The following ATP2A2 variants were observed in gnomAD, a reference collection of about 807,000 sequenced individuals.
The protein encoded by ATP2A2 is sarcoplasmic/endoplasmic reticulum calcium ATPase 2.
In ATP2A2, 14 loss-of-function variants were observed where a neutral mutation model predicts 109.3. The observed-to-expected ratio is 0.13, with a 90% CI of 0.08 to 0.20. The LOEUF (loss-of-function observed/expected upper bound fraction) is 0.20, where lower values mean the gene tolerates loss of function less well. Ranked by LOEUF, ATP2A2 falls within the 10% of genes least tolerant of loss-of-function variation. ATP2A2 has a pLI of 1.00. For missense variants in ATP2A2, 657 were observed against 1,321.6 expected (o/e 0.50, Z 7.80); for synonymous variants, 506 against 490.9 (o/e 1.03, Z -0.41).
At chr12:110,313,496 G>A (rs768346592) in intron 5 of ATP2A2, among the ~76,000 whole-genome samples, 6 of 151,312 alleles carry the variant, frequency 4.0e-5, no homozygotes, top group Non-Finnish European at 7.4e-5. Context: ...GTATATTTTA[G>A]TAGAGATGGG....
intron 5 of ATP2A2, among the ~76,000 whole-genome samples, chr12:110,298,010 G>A (rs929518): frequency 0.012 from 1,783 of 152,244 alleles, 6 homozygotes; most frequent in African/African-American, 0.019. Flanking sequence ...ATTGCATACT[G>A]TTATTCAGAT....
chr12:110,348,213 T>A lies in ATP2A2; in HGVS notation c.*1743T>A. The A allele has an allele frequency of 1.0e-6, 1 of 985,360 alleles. No homozygotes were observed. Among genetic ancestry groups the A allele is most frequent in the South Asian group, 4.7e-5 (1 of 21,294 alleles). 61.0% of individuals were successfully genotyped at this position (985,360 alleles called of 1,614,324 possible). ...TAGTGAAAGCAAGTAACTGAACCAG[T>A]GAACTCTGGGTATCGATAGGTTCGT... On this transcript the variant is annotated 3_prime_UTR_variant, in exon 20 of 20. Coordinates refer to ENST00000539276, the MANE Select transcript of ATP2A2 (RefSeq NM_170665.4).
chr12:110,297,522 C>T (rs908291098), intron 5 of ATP2A2, among the ~76,000 whole-genome samples: 13 of 151,892 alleles, frequency 8.6e-5, no homozygotes, highest in African/African-American at 3.1e-4. Context: ...GAGATAGCTT[C>T]AAAGAGTCCA....
chr12:110,350,367 A>T lies in ATP2A2; in HGVS notation c.*3897A>T, dbSNP rs924041423. ...TTCGGTTGCGTGCATGTGCGTTTTT[A>T]GCAACACATCTACCAACCCTGTGCA... On this transcript the variant is annotated 3_prime_UTR_variant, in exon 20 of 20. Coordinates refer to ENST00000539276, the MANE Select transcript of ATP2A2 (RefSeq NM_170665.4). 9 of 1,613,716 alleles carry T rather than the reference A, an allele frequency of 5.6e-6. No individual in the cohort carries two copies. In the African/African-American group the frequency reaches 8.0e-5, roughly 14 times the overall value.
At chr12:110,293,674 G>A (rs1873602153) in intron 4 of ATP2A2, among the ~76,000 whole-genome samples, 1 of 151,760 alleles carries the variant, frequency 6.6e-6, no homozygotes, top group Non-Finnish European at 1.5e-5. Context: ...AGGATTACAT[G>A]CGTGAGCCAC....
chr12:110,313,523 C>T (rs1876328887), intron 5 of ATP2A2, among the ~76,000 whole-genome samples: 2 of 151,316 alleles, frequency 1.3e-5, no homozygotes, highest in South Asian at 4.2e-4. Context: ...CCATGTTAGC[C>T]AGGCTGGTCT....
chr12:110,282,709 A>T lies in ATP2A2; in HGVS notation c.137-4A>T, dbSNP rs1352865013. The stretch of plus-strand genomic sequence containing the variant: ...GTTAAAACACATGTGTTTGTTTCTT[A>T]CAGGAAAAACCTTGCTGGAACTTGT... On this transcript the variant is annotated splice_polypyrimidine_tract_variant and splice_region_variant and intron_variant, in intron 2 of 19. Coordinates refer to ENST00000539276, the MANE Select transcript of ATP2A2 (RefSeq NM_170665.4). 6.2e-7 allele frequency: 1 copy of T among 1,614,064 alleles called. No homozygotes were observed. The highest frequency in any genetic ancestry group is 8.5e-7 in the Non-Finnish European group (1 of 1,179,974).
Position 110,281,914 on chromosome 12 carries a change from G to A in ATP2A2, c.118+7G>A. On this transcript the variant is annotated splice_region_variant and intron_variant, in intron 1 of 19. Coordinates refer to ENST00000539276, the MANE Select transcript of ATP2A2 (RefSeq NM_170665.4). ...GAGAGATGGGGCTCCAACGGTAGGT[G>A]CAGGGCGCTCCGCTGCAGGGGCCCG... 6.4e-7 allele frequency: 1 copy of A among 1,568,640 alleles called. No individual in the cohort carries two copies. Among genetic ancestry groups the A allele is most frequent in the South Asian group, 1.2e-5 (1 of 85,510 alleles).
intron 4 of ATP2A2, among the ~76,000 whole-genome samples, chr12:110,293,234 C>T (rs1480298148): frequency 1.3e-5 from 2 of 151,958 alleles, no homozygotes; most frequent in Admixed American, 6.6e-5. Context: ...TGACACCACA[C>T]CCAGCTAATT....
Position 110,348,712 on chromosome 12 carries a change from C to A in ATP2A2, c.*2242C>A. On this transcript the variant is annotated 3_prime_UTR_variant, in exon 20 of 20. Transcript: ENST00000539276. ...GAGTGAGGCCCTGTCAAAAAAAAATCAGCCTTACTGTGAAGCCTCCAAGGC... is the reference window on the plus strand; with the variant it reads ...GAGTGAGGCCCTGTCAAAAAAAAATAAGCCTTACTGTGAAGCCTCCAAGGC... 3.0e-6 allele frequency: 3 copies of A among 985,410 alleles called. No individual in the cohort carries two copies. Among genetic ancestry groups the A allele is most frequent in the Non-Finnish European group, 3.6e-6 (3 of 829,966 alleles). The allele number at this position is 985,410 out of a possible 1,614,324, so 61.0% of individuals were successfully genotyped here.
chr12:110,307,475 C>G (rs1037376825), intron 5 of ATP2A2, among the ~76,000 whole-genome samples: 2 of 151,892 alleles, frequency 1.3e-5, no homozygotes, highest in Admixed American at 6.6e-5. Context: ...CTCCAGTGAT[C>G]CTCCCACCTC....
rs1879982545 is a variant in ATP2A2, at chr12:110,347,392, G to C, written c.*922G>C. The C allele has an allele frequency of 2.3e-6, 3 of 1,289,096 alleles. No individual in the cohort carries two copies. The highest frequency in any genetic ancestry group is 2.3e-5 in the Admixed American group (1 of 43,528). 79.9% of individuals were successfully genotyped at this position (1,289,096 alleles called of 1,614,324 possible). A position where few individuals can be genotyped will look rare whatever the true frequency, so the allele number is the denominator to read the frequency against. On this transcript the variant is annotated 3_prime_UTR_variant, in exon 20 of 20. Coordinates refer to ENST00000539276, the MANE Select transcript of ATP2A2 (RefSeq NM_170665.4). ...ACAGACATGTCCAACTTTCTCTCCA[G>C]TTCTTAGCTCAGAACTTTAGTTGTA...
At chr12:110,309,221 G>A (rs1875734497) in intron 5 of ATP2A2, among the ~76,000 whole-genome samples, 1 of 129,726 alleles carries the variant, frequency 7.7e-6, no homozygotes, top group South Asian at 2.5e-4. Context: ...GCAAGGGCGT[G>A]ATCTCAGCTC....
Position 110,348,465 on chromosome 12 carries a change from G to T in ATP2A2, c.*1995G>T, listed in dbSNP as rs1296302157. 5 of 985,506 alleles carry T rather than the reference G, an allele frequency of 5.1e-6. No homozygotes were observed. The highest frequency in any genetic ancestry group is 6.0e-6 in the Non-Finnish European group (5 of 830,024). 61.0% of individuals were successfully genotyped at this position (985,506 alleles called of 1,614,324 possible). ...ATGGCCAGTAGATGTAATGCAGATG[G>T]TTGGAGTTTGGGGAGGGTTAGGAGG... On this transcript the variant is annotated 3_prime_UTR_variant, in exon 20 of 20. Coordinates refer to ENST00000539276, the MANE Select transcript of ATP2A2 (RefSeq NM_170665.4).
intron 8 of ATP2A2, among the ~76,000 whole-genome samples, 163 bp downstream of exon 8, chr12:110,328,180 A>G (rs1270327237): frequency 6.6e-6 from 1 of 152,158 alleles, no homozygotes; most frequent in Non-Finnish European, 1.5e-5. Flanking sequence ...CTAATCATTT[A>G]ATTCCTAAAA....
In ATP2A2 at chr12:110,323,038, T is replaced by G. The variant is rs1877400183; in HGVS notation, c.510T>G (p.Ser170=). 5 of 1,612,966 alleles carry G rather than the reference T, an allele frequency of 3.1e-6. No individual in the cohort carries two copies. The highest frequency in any genetic ancestry group is 3.3e-4 in the Middle Eastern group (2 of 6,062). ...ATATAAGGTTAACTTCCATCAAATC[T>G]ACCACACTAAGAGTTGACCAGTCAA... ...PADIRLTSIK[S]TTLRVDQSIL... The change falls in exon 6 of 20, where the codon TCT becomes TCG. Residue 170 remains serine, a synonymous_variant. Coordinates refer to ENST00000539276, the MANE Select transcript of ATP2A2 (RefSeq NM_170665.4).
chr12:110,345,535 C>G, intron 18 of ATP2A2, 153 bp downstream of exon 18: 1 of 1,152,490 alleles, frequency 8.7e-7, no homozygotes, highest in Non-Finnish European at 1.3e-6. Flanking sequence ...AAAGCATGAG[C>G]TGTCGTCACC....
chr12:110,342,250 C>T lies in ATP2A2; in HGVS notation c.2120C>T (p.Ala707Val), dbSNP rs1454558556. ...TAMTGDGVNDAPALKKAEIGI... is the reference protein window; with the variant it reads ...TAMTGDGVNDVPALKKAEIGI... ...CAGACTGGCGATGGCGTGAACGATG[C>T]TCCTGCTCTGAAGAAAGCCGAGATT... The change falls in exon 15 of 20, where the codon GCT becomes GTT. Residue 707 changes from alanine (A) to valine (V), a missense_variant. Physicochemically the swap from Ala to Val is moderately conservative, Grantham distance 64. Transcript: ENST00000539276. This position sits in a 1 kb window ranked among gnomAD's most constrained non-coding sequence, Gnocchi z 4.6. The T allele has an allele frequency of 1.2e-6, 2 of 1,614,234 alleles. No individual in the cohort carries two copies. Among genetic ancestry groups the T allele is most frequent in the Non-Finnish European group, 1.7e-6 (2 of 1,180,044 alleles).
rs1166133093 is a variant in ATP2A2 at position 110,347,681 on chromosome 12, A to G, written c.*1211A>G. On this transcript the variant is annotated 3_prime_UTR_variant, in exon 20 of 20. Coordinates refer to ENST00000539276, the MANE Select transcript of ATP2A2 (RefSeq NM_170665.4). ...GGCACTAACCACCACCACCGTTACT[A>G]CGATCAATGTTTGCGCATGTTCGAG... 2 of 1,172,544 alleles carry G rather than the reference A, an allele frequency of 1.7e-6. No individual in the cohort carries two copies. The highest frequency in any genetic ancestry group is 2.1e-6 in the Non-Finnish European group (2 of 933,364). 72.6% of individuals were successfully genotyped at this position (1,172,544 alleles called of 1,614,324 possible).
Sources: gnomAD v4.1 joint callset for allele counts (sites outside exome capture counted in the v4.1 genomes callset) on GRCh38, gnomAD v4.1.1 for gene constraint, Gnocchi (gnomAD v3.1) non-coding constraint, MANE v1.5 for transcripts, NCBI Gene and HGNC (gene_info 2026-07-23, HGNC 2026-07-21) for gene names.